IQCM: variants seen among roughly 807,000 people sequenced by gnomAD.
The protein encoded by IQCM is IQ motif containing M, also known as IQ domain-containing protein M.
A neutral mutation model predicts 57.6 loss-of-function variants in IQCM; 45 were observed. The ratio of observed to expected loss-of-function variants is 0.78; its 90% confidence interval spans 0.62 to 1.00. IQCM has a LOEUF of 1.00. Ranked by LOEUF, IQCM falls within the 50% of genes least tolerant of loss-of-function variation. The pLI is 0.00. For missense variants in IQCM, 468 were observed against 511.6 expected, an observed-to-expected ratio of 0.91 and a Z score of 0.82; for synonymous variants, 148 against 158.9, an observed-to-expected ratio of 0.93 and a Z score of 0.51.
At chr4:149,767,928 T>C (rs1226822935) in intron 2 of IQCM, among the ~76,000 whole-genome samples, 1 of 152,108 alleles carries the variant, frequency 6.6e-6, no homozygotes, top group Admixed American at 6.6e-5. Context: ...ATAAATACAC[T>C]AAGAATATCT....
Position 149,778,192 on chromosome 4 carries a change from C to T in IQCM, c.-48-35453G>A, listed in dbSNP as rs899808774. The stretch of plus-strand genomic sequence containing the variant: ...GAGATCCAGACCATCCTGGCTAACA[C>T]GGTGAAACCCCATCTCTACTAAAAA... On this transcript the variant is annotated intron_variant, in intron 2 of 13. Coordinates refer to ENST00000636793, the MANE Select transcript of IQCM (RefSeq NM_001363507.2). Among the ~76,000 whole-genome samples, 10 of 152,204 alleles carry T rather than the reference C, an allele frequency of 6.6e-5. No individual in the cohort carries two copies. The East Asian group carries it at 1.9e-3, about 29-fold the overall frequency.
chr4:149,464,540 C>G (rs1738641272), intron 12 of IQCM, among the ~76,000 whole-genome samples: 1 of 152,170 alleles, frequency 6.6e-6, no homozygotes, highest in African/African-American at 2.4e-5. Flanking sequence ...CTGCCACTAC[C>G]ATTATCCTCA....
rs1166594843 is a variant in IQCM at position 149,563,749 on chromosome 4, C to A, written c.891G>T (p.Met297Ile). ...TPKLIRMVTV[M>I]QAHVRGWLER... Reference sequence around the variant, plus strand: ...CAAGCCATCCCCTGACATGTGCCTGCATGACGGTGACCATTCTAATCAATT... The same window carrying A: ...CAAGCCATCCCCTGACATGTGCCTGAATGACGGTGACCATTCTAATCAATT... The change falls in exon 10 of 14, where the codon ATG becomes ATT. Residue 297 changes from methionine (M) to isoleucine (I), a missense_variant. Coordinates refer to ENST00000636793, the MANE Select transcript of IQCM (RefSeq NM_001363507.2). 1.6e-6 allele frequency: 2 copies of A among 1,231,938 alleles called. No individual in the cohort carries two copies. The allele number at this position is 1,231,938 out of a possible 1,614,324, so 76.3% of individuals were successfully genotyped here. A position where few individuals can be genotyped will look rare whatever the true frequency, so the allele number is the denominator to read the frequency against.
intron 8 of IQCM, among the ~76,000 whole-genome samples, chr4:149,609,298 T>G (rs778230551): frequency 3.3e-5 from 5 of 151,920 alleles, no homozygotes; most frequent in Non-Finnish European, 7.4e-5. Context: ...CACTGTTGTA[T>G]TCTACCAAAC....
At chr4:149,405,830 T>TAC (rs774943486) in intron 13 of IQCM, among the ~76,000 whole-genome samples, 3 of 143,536 alleles carry the variant, frequency 2.1e-5, no homozygotes, top group Non-Finnish European at 4.6e-5. Context: ...CTAAGGAGCA[T>TAC]ATATATATAT....
At chr4:149,578,788 C>A (rs1330938883) in intron 9 of IQCM, among the ~76,000 whole-genome samples, 1 of 151,798 alleles carries the variant, frequency 6.6e-6, no homozygotes, top group Non-Finnish European at 1.5e-5. Context: ...CAGGGACTAC[C>A]ATTTCCAAAA....
chr4:149,673,466 T>C (rs1761484923), intron 7 of IQCM, among the ~76,000 whole-genome samples: 1 of 152,084 alleles, frequency 6.6e-6, no homozygotes, highest in African/African-American at 2.4e-5. Context: ...ATGCAGGGGT[T>C]GCAATCCTAG....
chr4:149,711,730 C>T (rs1220055427), intron 5 of IQCM, among the ~76,000 whole-genome samples: 3 of 152,142 alleles, frequency 2.0e-5, no homozygotes, highest in Admixed American at 6.5e-5. Flanking sequence ...CTATTCCAGT[C>T]TATTTTTGAA....
chr4:149,760,964 C>T (rs915392305), intron 2 of IQCM, among the ~76,000 whole-genome samples: 1 of 152,044 alleles, frequency 6.6e-6, no homozygotes, highest in Admixed American at 6.6e-5. Flanking sequence ...TGATCACTTG[C>T]TTTTAGAGAA....
At chr4:149,442,429 CAAA>C (rs1447064457) in intron 12 of IQCM, among the ~76,000 whole-genome samples, 1 of 151,934 alleles carries the variant, frequency 6.6e-6, no homozygotes, top group Non-Finnish European at 1.5e-5. Context: ...ACCCAAAAAA[CAAA>C]AACAAACAAA....
Position 149,627,839 on chromosome 4 carries a change from C to A in IQCM, c.566-6595G>T, listed in dbSNP as rs144257238. 7.8e-3 allele frequency among the ~76,000 whole-genome samples: 1,181 copies of A among 152,222 alleles called. 8 individuals are homozygous for A. Among genetic ancestry groups the A allele is most frequent in the Non-Finnish European group, 0.012 (831 of 68,018 alleles). The stretch of plus-strand genomic sequence containing the variant: ...TGTCCTGGTGGGCACCACATGTAAT[C>A]ACAAGTGTCCTTACAAGAGAGGCAG... On this transcript the variant is annotated intron_variant, in intron 7 of 13. Coordinates refer to ENST00000636793, the MANE Select transcript of IQCM (RefSeq NM_001363507.2).
At chr4:149,537,606 G>A (rs986237799) in intron 12 of IQCM, among the ~76,000 whole-genome samples, 7 of 151,812 alleles carry the variant, frequency 4.6e-5, no homozygotes, top group Non-Finnish European at 7.4e-5. Context: ...AGTCCAAGAA[G>A]TTCAATGAAC....
chr4:149,464,818 GACT>G (rs1738676150), intron 12 of IQCM, among the ~76,000 whole-genome samples: 1 of 152,054 alleles, frequency 6.6e-6, no homozygotes, highest in Admixed American at 6.6e-5. Flanking sequence ...TGGCTAATGT[GACT>G]AAAGGAATTA....
intron 7 of IQCM, among the ~76,000 whole-genome samples, chr4:149,626,738 AAGG>A (rs1756849471): frequency 2.0e-5 from 3 of 152,144 alleles, no homozygotes; most frequent in African/African-American, 7.2e-5. Context: ...TATAATGATA[AAGG>A]AGAAGATGAA....
At chr4:149,635,152 C>T (rs966127308) in intron 7 of IQCM, among the ~76,000 whole-genome samples, 3 of 152,096 alleles carry the variant, frequency 2.0e-5, no homozygotes, top group Non-Finnish European at 4.4e-5. Flanking sequence ...AATAATACTA[C>T]TTTTCCAACA....
At chr4:149,798,903 C>T (rs912105567) in intron 2 of IQCM, among the ~76,000 whole-genome samples, 1 of 151,872 alleles carries the variant, frequency 6.6e-6, no homozygotes, top group Non-Finnish European at 1.5e-5. Flanking sequence ...CAACACTCCA[C>T]GTTAAGCATT....
At chr4:149,560,550 T>C (rs1159704478) in intron 10 of IQCM, among the ~76,000 whole-genome samples, 1 of 152,182 alleles carries the variant, frequency 6.6e-6, no homozygotes, top group African/African-American at 2.4e-5. Context: ...TTAATATCAT[T>C]ATTACTTATA....
At chr4:149,713,953 A>C (rs1347614410) in intron 5 of IQCM, among the ~76,000 whole-genome samples, 1 of 152,060 alleles carries the variant, frequency 6.6e-6, no homozygotes, top group Non-Finnish European at 1.5e-5. Context: ...CTCTCTCTTG[A>C]TCTCACCTCC....
At chr4:149,710,679 T>C (rs927016597) in intron 5 of IQCM, among the ~76,000 whole-genome samples, 1 of 152,182 alleles carries the variant, frequency 6.6e-6, no homozygotes, top group African/African-American at 2.4e-5. Flanking sequence ...TTAAAATATC[T>C]GTATAACACT....
Sources: gnomAD v4.1 joint callset for allele counts (sites outside exome capture counted in the v4.1 genomes callset) on GRCh38, gnomAD v4.1.1 for gene constraint, MANE v1.5 for transcripts, NCBI Gene and HGNC (gene_info 2026-07-23, HGNC 2026-07-21) for gene names.